The following LONRF1 variants were observed in gnomAD, a reference collection of about 807,000 sequenced individuals.
LONRF1 encodes LON peptidase N-terminal domain and RING finger protein 1.
A neutral mutation model predicts 85.8 loss-of-function variants in LONRF1; 37 were observed. That is an observed-to-expected ratio of 0.43 (90% CI 0.33 to 0.57). LONRF1 has a LOEUF of 0.57. Among genes scored for constraint, LONRF1 ranks in the 20% least tolerant of loss-of-function variants. The pLI, the probability that LONRF1 is intolerant of heterozygous loss-of-function variation, is 0.04. For missense variants in LONRF1, 1,036 were observed against 978.0 expected (o/e 1.06, Z -0.79); for synonymous variants, 517 against 390.1 (o/e 1.33, Z -3.83).
chr8:12,737,690 T>C (rs528538393), intron 4 of LONRF1, among the ~76,000 whole-genome samples: 7 of 152,292 alleles, frequency 4.6e-5, no homozygotes, highest in African/African-American at 1.7e-4. Context: ...TAATGAGGTT[T>C]AAAAGTAGTT....
In LONRF1 at chr8:12,755,459, G is replaced by C. The variant is rs1799608873; in HGVS notation, c.-39C>G. 9.3e-7 allele frequency: 1 copy of C among 1,078,972 alleles called. No individual in the cohort carries two copies. The highest frequency in any genetic ancestry group is 1.1e-6 in the Non-Finnish European group (1 of 885,532). The allele number at this position is 1,078,972 out of a possible 1,614,324, so 66.8% of individuals were successfully genotyped here. ...CTGCGCCGCCGCCGCCCGCCGCCACGGTCCCGGAGCCTCCCGGGCGCGCGG... is the reference window on the plus strand; with the variant it reads ...CTGCGCCGCCGCCGCCCGCCGCCACCGTCCCGGAGCCTCCCGGGCGCGCGG... On this transcript the variant is annotated 5_prime_UTR_variant, in exon 1 of 12. Transcript: ENST00000398246.
chr8:12,752,246 T>C (rs1378661642), intron 1 of LONRF1, among the ~76,000 whole-genome samples: 1 of 152,230 alleles, frequency 6.6e-6, no homozygotes, highest in Admixed American at 6.5e-5. Flanking sequence ...AATGCCTAGC[T>C]TGCCAATTCC....
At chr8:12,741,979 G>A (rs563019402) in intron 2 of LONRF1, among the ~76,000 whole-genome samples, 26 of 152,180 alleles carry the variant, frequency 1.7e-4, no homozygotes, top group African/African-American at 6.3e-4. Context: ...TATGTGATTA[G>A]AATGAAACAG....
At chr8:12,728,764 T>C in intron 10 of LONRF1, 137 bp downstream of exon 10, 1 of 909,318 alleles carries the variant, frequency 1.1e-6, no homozygotes, top group East Asian at 2.5e-5. Context: ...AAAGGTAACT[T>C]GGAGCACATT....
chr8:12,737,854 A>G, intron 4 of LONRF1, 141 bp downstream of exon 4: 1 of 744,266 alleles, frequency 1.3e-6, no homozygotes, highest in Non-Finnish European at 2.1e-6. Context: ...AGTAAAGGCT[A>G]TGGAAAAAAT....
At chr8:12,733,608 T>A (rs1209098465) in intron 7 of LONRF1, among the ~76,000 whole-genome samples, 1 of 152,114 alleles carries the variant, frequency 6.6e-6, no homozygotes, top group Non-Finnish European at 1.5e-5. Flanking sequence ...TGTCATAATA[T>A]CTTCGATTAC....
At chr8:12,729,456 A>T in intron 8 of LONRF1, 124 bp from the exon 9 acceptor site, 1 of 950,948 alleles carries the variant, frequency 1.1e-6, no homozygotes, top group South Asian at 1.8e-5. Flanking sequence ...AATTAGTTCT[A>T]AATAAGGTGG....
chr8:12,747,564 G>C (rs1585255606), intron 1 of LONRF1, among the ~76,000 whole-genome samples: 2 of 152,304 alleles, frequency 1.3e-5, no homozygotes, highest in African/African-American at 4.8e-5. Flanking sequence ...ATGGGCAACA[G>C]CTCATTCTAT....
chr8:12,741,027 G>T lies in LONRF1; in HGVS notation c.841-31C>A, dbSNP rs766540960. The T allele has an allele frequency of 1.0e-5, 16 of 1,604,832 alleles. No individual in the cohort carries two copies. The South Asian group carries it at 1.7e-4, about 17-fold the overall frequency. On this transcript the variant is annotated intron_variant, in intron 2 of 11. Transcript: ENST00000398246. Reference sequence around the variant, plus strand: ...ATAAAAGCAGATATATAAAACCTTTGTGTTAAGAATTGCTTTTTAAAAAAT... The same window carrying T: ...ATAAAAGCAGATATATAAAACCTTTTTGTTAAGAATTGCTTTTTAAAAAAT...
At chr8:12,743,879 T>A (rs1047440692) in intron 1 of LONRF1, among the ~76,000 whole-genome samples, 2 of 152,154 alleles carry the variant, frequency 1.3e-5, no homozygotes, top group African/African-American at 4.8e-5. Context: ...CAAAATATAT[T>A]TAATTTAAAA....
At chr8:12,741,725 T>C (rs553097885) in intron 2 of LONRF1, among the ~76,000 whole-genome samples, 1 of 152,350 alleles carries the variant, frequency 6.6e-6, no homozygotes, top group Admixed American at 6.5e-5. Context: ...GTATGGTAAA[T>C]TTCTTCCAAG....
chr8:12,751,541 G>A (rs1799404442), intron 1 of LONRF1, among the ~76,000 whole-genome samples: 1 of 151,632 alleles, frequency 6.6e-6, no homozygotes, highest in Non-Finnish European at 1.5e-5. Context: ...CTGGCCTCAT[G>A]CGATCCGCCC....
At chr8:12,747,754 CTCTT>C (rs1233561354) in intron 1 of LONRF1, among the ~76,000 whole-genome samples, 9 of 14,928 alleles carry the variant, frequency 6.0e-4, no homozygotes, top group Middle Eastern at 0.045. Context: ...TGAAATCTCT[CTCTT>C]TTTTTTTTTT....
chr8:12,746,645 A>G (rs1799166155), intron 1 of LONRF1, among the ~76,000 whole-genome samples: 1 of 152,214 alleles, frequency 6.6e-6, no homozygotes, highest in South Asian at 2.1e-4. Context: ...TTAAAACATT[A>G]TTAACACCAC....
Position 12,755,047 on chromosome 8 carries a change from C to T in LONRF1, c.374G>A (p.Gly125Asp). 1 of 1,487,332 alleles carries T rather than the reference C, an allele frequency of 6.7e-7. No individual in the cohort carries two copies. Among genetic ancestry groups the T allele is most frequent in the Non-Finnish European group, 8.9e-7 (1 of 1,125,276 alleles). 92.1% of individuals were successfully genotyped at this position (1,487,332 alleles called of 1,614,324 possible). ...GGAGGLLRCL[G>D]CRGFLSEPVT... ...CGGCTCGCTCAGGAAGCCCCGGCAG[C>T]CCAGGCATCTGAGGAGCCCGCCGGC... Residue 125 changes from glycine (G) to aspartate (D), a missense_variant, in exon 1 of 12, where the codon GGC becomes GAC. Around this residue, in one of 3 missense-constraint regions of LONRF1, gnomAD observed 742 missense variants for 614.4 expected, o/e 1.21. Transcript: ENST00000398246.
chr8:12,731,445 C>A (rs1040270554), intron 8 of LONRF1, among the ~76,000 whole-genome samples: 4 of 152,132 alleles, frequency 2.6e-5, no homozygotes, highest in African/African-American at 9.7e-5. Context: ...TCACTGTCAC[C>A]AGCGCCCCCT....
chr8:12,745,405 C>CTACTT (rs112293094), intron 1 of LONRF1, among the ~76,000 whole-genome samples: 1 of 151,196 alleles, frequency 6.6e-6, no homozygotes, highest in East Asian at 1.9e-4. Context: ...AGGACCATCA[C>CTACTT]ACTGATCTCA....
chr8:12,751,057 A>T (rs1362712818), intron 1 of LONRF1, among the ~76,000 whole-genome samples: 1 of 152,066 alleles, frequency 6.6e-6, no homozygotes, highest in Non-Finnish European at 1.5e-5. Context: ...AGGTTAGGCA[A>T]CGTGCACAAG....
chr8:12,743,111 T>C, intron 2 of LONRF1, 53 bp downstream of exon 2: 1 of 1,112,808 alleles, frequency 9.0e-7, no homozygotes, highest in Admixed American at 1.8e-5. Flanking sequence ...TGAATGCATG[T>C]CCCTTATAGT....
Sources: allele counts gnomAD v4.1 joint callset (sites outside exome capture counted in the v4.1 genomes callset), GRCh38; gene constraint gnomAD v4.1.1; regional missense constraint gnomAD v4.1.1; transcripts MANE v1.5; gene names NCBI Gene and HGNC (gene_info 2026-07-23, HGNC 2026-07-21).